CSMD1: variants seen among roughly 807,000 people sequenced by gnomAD.
CSMD1 encodes the protein CUB and sushi domain-containing protein 1.
In CSMD1, 213 loss-of-function variants were observed where a neutral mutation model predicts 417.5. The observed-to-expected ratio is 0.51, with a 90% CI of 0.46 to 0.57. The LOEUF is 0.57. Among genes scored for constraint, CSMD1 ranks in the 20% least tolerant of loss-of-function variants. The probability of loss-of-function intolerance (pLI) is 0.00; values close to 1 mark genes in which losing one functional copy is unlikely to be tolerated. For synonymous variants in CSMD1, 2,862 were observed against 1,736.8 expected, an observed-to-expected ratio of 1.65 and a Z score of -16.11; for missense variants, 6,923 against 4,529.7, an observed-to-expected ratio of 1.53 and a Z score of -15.17.
intron 10 of CSMD1, among the ~76,000 whole-genome samples, chr8:3,529,308 A>T (rs1021497291): frequency 6.6e-6 from 1 of 152,222 alleles, no homozygotes; most frequent in Admixed American, 6.5e-5. Context: ...CAAAATAAGC[A>T]GCTTTGAAGT....
At chr8:4,548,529 A>C (rs1563276605) in intron 2 of CSMD1, among the ~76,000 whole-genome samples, 1 of 152,182 alleles carries the variant, frequency 6.6e-6, no homozygotes, top group Non-Finnish European at 1.5e-5. Flanking sequence ...TAAAAAATGA[A>C]TGCCTTTCAT....
chr8:4,106,886 T>A (rs1253394627), intron 3 of CSMD1, among the ~76,000 whole-genome samples: 2 of 152,122 alleles, frequency 1.3e-5, no homozygotes, highest in African/African-American at 4.8e-5. Flanking sequence ...CAAGTCATCG[T>A]TAATATTTAA....
intron 1 of CSMD1, among the ~76,000 whole-genome samples, chr8:4,760,085 C>CTTT (rs926321794): frequency 1.3e-5 from 2 of 152,248 alleles, no homozygotes; most frequent in Middle Eastern, 3.4e-3. Flanking sequence ...TGTTTCTAGA[C>CTTT]TTTTTAATAA....
chr8:3,448,584 C>T (rs1815484823), intron 12 of CSMD1, among the ~76,000 whole-genome samples: 1 of 151,972 alleles, frequency 6.6e-6, no homozygotes, highest in African/African-American at 2.4e-5. Context: ...GCTGTAAGTC[C>T]ATGAGTACTA....
chr8:4,881,980 G>A (rs1323721712), intron 1 of CSMD1, among the ~76,000 whole-genome samples: 1 of 151,924 alleles, frequency 6.6e-6, no homozygotes, highest in Non-Finnish European at 1.5e-5. Flanking sequence ...ATGGGGCTCA[G>A]CTATACCTGG....
chr8:3,761,168 T>G (rs1797975184), intron 5 of CSMD1, among the ~76,000 whole-genome samples: 1 of 152,186 alleles, frequency 6.6e-6, no homozygotes, highest in African/African-American at 2.4e-5. Flanking sequence ...GTTCCAAGTC[T>G]TATTTTGGAC....
rs951540141 is a variant in CSMD1 at position 3,307,592 on chromosome 8, C to T, written c.3950+103G>A. 1.3e-5 allele frequency: 17 copies of T among 1,315,752 alleles called. No individual in the cohort carries two copies. The African/African-American group carries it at 2.4e-4, about 18-fold the overall frequency. 81.5% of individuals were successfully genotyped at this position (1,315,752 alleles called of 1,614,324 possible). Reference sequence around the variant, plus strand: ...CAGCTTTACCTTTTCTTCTTTAGTTCAGAAACTTTAACCATGGATATTTGG... The same window carrying T: ...CAGCTTTACCTTTTCTTCTTTAGTTTAGAAACTTTAACCATGGATATTTGG... On this transcript the variant is annotated intron_variant, in intron 25 of 69. Coordinates refer to ENST00000635120, the MANE Select transcript of CSMD1 (RefSeq NM_033225.6).
At chr8:4,878,738 G>A (rs1340542101) in intron 1 of CSMD1, among the ~76,000 whole-genome samples, 1 of 151,964 alleles carries the variant, frequency 6.6e-6, no homozygotes, top group Non-Finnish European at 1.5e-5. Context: ...TATCTTTTGT[G>A]TAGAAAACAT....
intron 41 of CSMD1, among the ~76,000 whole-genome samples, chr8:3,131,158 G>T (rs369132973): frequency 3.9e-5 from 6 of 152,044 alleles, no homozygotes; most frequent in African/African-American, 1.4e-4. Context: ...TCCTACAAAA[G>T]TGCGATAAAG....
chr8:4,948,902 A>T (rs1808548641), intron 1 of CSMD1, among the ~76,000 whole-genome samples: 1 of 152,148 alleles, frequency 6.6e-6, no homozygotes, highest in African/African-American at 2.4e-5. Context: ...GTTTTTACAT[A>T]AAAATAATGT....
Position 2,939,512 on chromosome 8 carries a change from A to C in CSMD1, c.10536-768T>G, listed in dbSNP as rs1175121810. Among the ~76,000 whole-genome samples, 7 of 152,250 alleles carry C rather than the reference A, an allele frequency of 4.6e-5. No individual in the cohort carries two copies. The South Asian group carries it at 1.4e-3, about 32-fold the overall frequency. On this transcript the variant is annotated intron_variant, in intron 69 of 69. Coordinates refer to ENST00000635120, the MANE Select transcript of CSMD1 (RefSeq NM_033225.6). ...GAGGATTTTCAGACTGAAAAGACAGAATCATGTCTGGTCTGCTCTGTCTCT... is the reference window on the plus strand; with the variant it reads ...GAGGATTTTCAGACTGAAAAGACAGCATCATGTCTGGTCTGCTCTGTCTCT...
intron 39 of CSMD1, among the ~76,000 whole-genome samples, chr8:3,156,024 G>A (rs903513400): frequency 6.6e-6 from 1 of 152,240 alleles, no homozygotes; most frequent in Non-Finnish European, 1.5e-5. Context: ...TCAGAAGAAT[G>A]TGTAACAGAC....
At chr8:4,240,261 C>G (rs1802313158) in intron 3 of CSMD1, among the ~76,000 whole-genome samples, 3 of 152,218 alleles carry the variant, frequency 2.0e-5, no homozygotes, top group Non-Finnish European at 4.4e-5. Context: ...GGCTGGCAGC[C>G]TTTTCACTGG....
chr8:3,837,720 C>G (rs1254409492), intron 5 of CSMD1, among the ~76,000 whole-genome samples: 1 of 152,070 alleles, frequency 6.6e-6, no homozygotes, highest in Non-Finnish European at 1.5e-5. Context: ...GAACACATAA[C>G]TACCCTCTCC....
chr8:3,595,835 C>T (rs140627666), intron 8 of CSMD1, among the ~76,000 whole-genome samples: 71 of 152,278 alleles, frequency 4.7e-4, no homozygotes, highest in Middle Eastern at 3.4e-3. Flanking sequence ...TATACAAAGG[C>T]AAAAGCTGTT....
intron 2 of CSMD1, among the ~76,000 whole-genome samples, chr8:4,458,784 G>A (rs1799637340): frequency 6.6e-6 from 1 of 151,776 alleles, no homozygotes; most frequent in Non-Finnish European, 1.5e-5. Flanking sequence ...ATAACGGTTA[G>A]GAATATTTAA....
intron 8 of CSMD1, among the ~76,000 whole-genome samples, chr8:3,592,128 A>T (rs1421419607): frequency 2.0e-5 from 3 of 152,168 alleles, no homozygotes; most frequent in Non-Finnish European, 4.4e-5. Flanking sequence ...AGATGGATAG[A>T]TAGATGAATG....
chr8:4,873,239 G>A (rs1274673016), intron 1 of CSMD1, among the ~76,000 whole-genome samples: 3 of 152,102 alleles, frequency 2.0e-5, no homozygotes, highest in Non-Finnish European at 2.9e-5. Flanking sequence ...GAATTTTGCA[G>A]AGGTTTGAAA....
chr8:3,315,158 T>C (rs1344652497), intron 23 of CSMD1, among the ~76,000 whole-genome samples: 2 of 152,152 alleles, frequency 1.3e-5, no homozygotes, highest in African/African-American at 2.4e-5. Context: ...ATGACTCTCA[T>C]GTGAAAAAAA....
Sources: gnomAD v4.1 joint callset for allele counts (sites outside exome capture counted in the v4.1 genomes callset) on GRCh38, gnomAD v4.1.1 for gene constraint, MANE v1.5 for transcripts, NCBI Gene and HGNC (gene_info 2026-07-23, HGNC 2026-07-21) for gene names.